TRAPPC9: variants seen among roughly 807,000 people sequenced by gnomAD.
The protein encoded by TRAPPC9 is trafficking protein particle complex subunit 9.
A neutral mutation model predicts 124.0 loss-of-function variants in TRAPPC9; 83 were observed. That is an observed-to-expected ratio of 0.67 (90% CI 0.56 to 0.80). The LOEUF is 0.80. Ranked by LOEUF, TRAPPC9 falls within the 30% of genes least tolerant of loss-of-function variation. The pLI, the probability that TRAPPC9 is intolerant of heterozygous loss-of-function variation, is 0.00. For synonymous variants in TRAPPC9, 638 were observed against 617.5 expected (o/e 1.03, Z -0.49); for missense variants, 1,302 against 1,508.3 (o/e 0.86, Z 2.27).
chr8:139,764,203 T>A (rs1449082501), intron 21 of TRAPPC9, among the ~76,000 whole-genome samples: 1 of 151,852 alleles, frequency 6.6e-6, no homozygotes, highest in Non-Finnish European at 1.5e-5. Context: ...CTGGGGTGGG[T>A]GTGCTCGAGA....
At chr8:140,421,221 G>A (rs987671474) in intron 5 of TRAPPC9, among the ~76,000 whole-genome samples, 1 of 152,160 alleles carries the variant, frequency 6.6e-6, no homozygotes, top group Non-Finnish European at 1.5e-5. Context: ...CAAAGCCTCT[G>A]AAAGACGGAA....
At chr8:140,279,142 T>C (rs1563911182) in intron 14 of TRAPPC9, among the ~76,000 whole-genome samples, 1 of 152,248 alleles carries the variant, frequency 6.6e-6, no homozygotes, top group Non-Finnish European at 1.5e-5. Flanking sequence ...CTGTGAAGCC[T>C]TCCCGAACCC....
At chr8:139,821,921 C>T (rs1825281873) in intron 21 of TRAPPC9, among the ~76,000 whole-genome samples, 1 of 152,210 alleles carries the variant, frequency 6.6e-6, no homozygotes, top group Non-Finnish European at 1.5e-5. Context: ...GTGCCATGCT[C>T]GGCTATTGGC....
chr8:140,061,547 G>A (rs1842618517), intron 17 of TRAPPC9, among the ~76,000 whole-genome samples: 1 of 152,170 alleles, frequency 6.6e-6, no homozygotes, highest in Non-Finnish European at 1.5e-5. Context: ...GTGCCACAGA[G>A]CCTTGAACAA....
chr8:140,155,414 C>G (rs1390942758), intron 17 of TRAPPC9, among the ~76,000 whole-genome samples: 1 of 152,230 alleles, frequency 6.6e-6, no homozygotes, highest in Non-Finnish European at 1.5e-5. Flanking sequence ...AGCCACCACA[C>G]AGCCCTGCCT....
intron 17 of TRAPPC9, among the ~76,000 whole-genome samples, chr8:140,172,009 G>A (rs774343783): frequency 7.2e-5 from 11 of 152,126 alleles, no homozygotes; most frequent in Admixed American, 2.0e-4. Context: ...AGCCAGGCTC[G>A]GAGAAAGGCT....
intron 17 of TRAPPC9, among the ~76,000 whole-genome samples, chr8:140,146,444 G>A (rs2061463307): frequency 6.6e-6 from 1 of 152,242 alleles, no homozygotes; most frequent in African/African-American, 2.4e-5. Flanking sequence ...AGGAGAATTT[G>A]TCAGTGGGAA....
At chr8:139,988,906 C>T (rs1837443676) in intron 18 of TRAPPC9, 70 bp from the exon 19 acceptor site, 2 of 1,094,032 alleles carry the variant, frequency 1.8e-6, no homozygotes, top group Admixed American at 2.0e-5. Flanking sequence ...CCTTTTTCTC[C>T]TCTCCAAAGA....
At chr8:139,757,877 A>T (rs552241090) in intron 21 of TRAPPC9, among the ~76,000 whole-genome samples, 1 of 152,270 alleles carries the variant, frequency 6.6e-6, no homozygotes, top group East Asian at 1.9e-4. Context: ...ACCCACGGCA[A>T]GGACGCTTTC....
intron 7 of TRAPPC9, among the ~76,000 whole-genome samples, chr8:140,388,702 G>C (rs2068830172): frequency 6.6e-6 from 1 of 151,668 alleles, no homozygotes; most frequent in South Asian, 2.1e-4. Context: ...ACAAAAATTA[G>C]TTGGGCGTGG....
At chr8:140,185,785 GGGAA>G (rs2062340576) in intron 17 of TRAPPC9, among the ~76,000 whole-genome samples, 1 of 152,220 alleles carries the variant, frequency 6.6e-6, no homozygotes, top group Admixed American at 6.5e-5. Flanking sequence ...TGGGGAGATG[GGGAA>G]GGGTTTTAGG....
At chr8:140,029,483 C>T (rs555015382) in intron 17 of TRAPPC9, among the ~76,000 whole-genome samples, 32 of 152,138 alleles carry the variant, frequency 2.1e-4, no homozygotes, top group Admixed American at 1.0e-3. Flanking sequence ...CCAGCCTGGG[C>T]GACAGAGCAA....
At chr8:139,849,428 G>C (rs1189054241) in intron 21 of TRAPPC9, among the ~76,000 whole-genome samples, 1 of 152,244 alleles carries the variant, frequency 6.6e-6, no homozygotes, top group Non-Finnish European at 1.5e-5. Context: ...ACAGAAACCA[G>C]AACAGGTGTA....
rs1472938958 is a variant in TRAPPC9 at position 139,919,537 on chromosome 8, A to G, written c.2811-9237T>C. Among the ~76,000 whole-genome samples, 3 of 152,190 alleles carry G rather than the reference A, an allele frequency of 2.0e-5. No homozygotes were observed. The East Asian group carries it at 5.8e-4, about 29-fold the overall frequency. On this transcript the variant is annotated intron_variant, in intron 19 of 22. Transcript: ENST00000438773. The stretch of plus-strand genomic sequence containing the variant: ...AAAGCTGTTATTAAAAAATATGGCT[A>G]TTAAAGGAAGTTATCATGATAAAGA...
At position 139,841,730 on chromosome 8, in the gene TRAPPC9, C is replaced by G. The variant is rs561715649; in HGVS notation, c.3055+44149G>C. ...ACAGTAGGGAGCCGATGGGAGGCACCCCCATGCTGGGCCCTGCCCACTCAC... is the reference window on the plus strand; with the variant it reads ...ACAGTAGGGAGCCGATGGGAGGCACGCCCATGCTGGGCCCTGCCCACTCAC... On this transcript the variant is annotated intron_variant, in intron 21 of 22. Transcript: ENST00000438773. 2.6e-5 allele frequency among the ~76,000 whole-genome samples: 4 copies of G among 152,316 alleles called. No individual in the cohort carries two copies. The South Asian group carries it at 8.3e-4, about 32-fold the overall frequency.
At position 139,776,795 on chromosome 8, in the gene TRAPPC9, T is replaced by C. The variant is rs776958204; in HGVS notation, c.3056-44593A>G. Among the ~76,000 whole-genome samples the C allele has an allele frequency of 6.6e-6, 1 of 152,210 alleles. No homozygotes were observed. Among genetic ancestry groups the C allele is most frequent in the Non-Finnish European group, 1.5e-5 (1 of 68,044 alleles). On this transcript the variant is annotated intron_variant, in intron 21 of 22. Coordinates refer to ENST00000438773, the MANE Select transcript of TRAPPC9 (RefSeq NM_001160372.4). The surrounding 1 kb of genome is among the most constrained non-coding windows in gnomAD (Gnocchi z 4.1). ...GGGAAACGACTGCATAAGAAGTTCC[T>C]CAGGGAAAACAAAAATGATTCTGAG...
chr8:139,847,534 G>A (rs928404712), intron 21 of TRAPPC9, among the ~76,000 whole-genome samples: 4 of 151,292 alleles, frequency 2.6e-5, no homozygotes, highest in African/African-American at 9.7e-5. Flanking sequence ...CTGGAGGCCC[G>A]GCCTGGGGAT....
intron 19 of TRAPPC9, among the ~76,000 whole-genome samples, chr8:139,977,863 T>C (rs1419080335): frequency 6.6e-6 from 1 of 151,624 alleles, no homozygotes; most frequent in Non-Finnish European, 1.5e-5. Flanking sequence ...GTATCTTTAG[T>C]AGAAACGGGG....
chr8:139,904,644 T>G (rs1831229675), intron 20 of TRAPPC9: 1 of 152,258 alleles, frequency 6.6e-6, no homozygotes, highest in South Asian at 2.1e-4. Flanking sequence ...TTCCAAAATT[T>G]ACTTATGTTT....
Sources: gnomAD v4.1 joint callset for allele counts (sites outside exome capture counted in the v4.1 genomes callset) on GRCh38, gnomAD v4.1.1 for gene constraint, Gnocchi (gnomAD v3.1) non-coding constraint, MANE v1.5 for transcripts, NCBI Gene and HGNC (gene_info 2026-07-23, HGNC 2026-07-21) for gene names.